KIAA0513: variants seen among roughly 807,000 people sequenced by gnomAD.
KIAA0513 encodes uncharacterized protein KIAA0513.
A neutral mutation model predicts 56.5 loss-of-function variants in KIAA0513; 39 were observed. That is an observed-to-expected ratio of 0.69 (90% CI 0.53 to 0.90). KIAA0513 has a LOEUF of 0.90. KIAA0513 is among the 40% of genes least tolerant of loss of function. The pLI is 0.00. For synonymous variants in KIAA0513, 268 were observed against 215.6 expected, an observed-to-expected ratio of 1.24 and a Z score of -2.13; for missense variants, 591 against 535.2, an observed-to-expected ratio of 1.10 and a Z score of -1.03.
chr16:85,031,807 C>T (rs2072968442), intron 1 of KIAA0513, among the ~76,000 whole-genome samples: 1 of 152,188 alleles, frequency 6.6e-6, no homozygotes, highest in Non-Finnish European at 1.5e-5. Context: ...TTCCTCTGAT[C>T]CCTGCCCACT....
At chr16:85,066,227 T>G (rs1436903393) in intron 1 of KIAA0513, among the ~76,000 whole-genome samples, 2 of 151,862 alleles carry the variant, frequency 1.3e-5, no homozygotes, top group Non-Finnish European at 2.9e-5. Context: ...TGAATAGAAC[T>G]CCAGGGTGGG....
intron 2 of KIAA0513, among the ~76,000 whole-genome samples, chr16:85,070,577 C>A (rs901614630): frequency 2.6e-5 from 4 of 152,154 alleles, no homozygotes; most frequent in Admixed American, 2.0e-4. Context: ...ACTCGGGAGG[C>A]TGAGGCAGGA....
chr16:85,053,718 C>T (rs995672220), intron 1 of KIAA0513, among the ~76,000 whole-genome samples: 3 of 151,968 alleles, frequency 2.0e-5, no homozygotes, highest in Non-Finnish European at 4.4e-5. Flanking sequence ...TAAGGCCAGG[C>T]GCGGTGGCTC....
At chr16:85,071,327 C>T (rs1017722751) in intron 2 of KIAA0513, among the ~76,000 whole-genome samples, 15 of 152,238 alleles carry the variant, frequency 9.9e-5, no homozygotes, top group African/African-American at 3.6e-4. Flanking sequence ...ACCTTGGCGT[C>T]AGTATGCTGA....
chr16:85,066,456 C>G (rs904230495), intron 1 of KIAA0513, among the ~76,000 whole-genome samples: 2 of 152,120 alleles, frequency 1.3e-5, no homozygotes, highest in Non-Finnish European at 2.9e-5. Flanking sequence ...GAACAGAGCC[C>G]AGGAAGGAGG....
rs2073894934 is a variant in KIAA0513 at position 85,093,818 on chromosome 16, A to C, written c.*5493A>C. ...GAACACTAGGAAAAGCTAGAAATTC[A>C]GACAACACACATGGATCCCCTTAAA... is the stretch of plus-strand genomic sequence containing the variant. On this transcript the variant is annotated 3_prime_UTR_variant, in exon 13 of 13. Transcript: ENST00000683363. The C allele has an allele frequency of 6.6e-6, 1 of 152,306 alleles. No individual in the cohort carries two copies. Among genetic ancestry groups the C allele is most frequent in the African/African-American group, 2.4e-5 (1 of 41,442 alleles). 9.4% of individuals were successfully genotyped at this position (152,306 alleles called of 1,614,324 possible).
chr16:85,046,005 G>A (rs1443178118), intron 1 of KIAA0513, among the ~76,000 whole-genome samples: 1 of 152,206 alleles, frequency 6.6e-6, no homozygotes, highest in Non-Finnish European at 1.5e-5. Context: ...CACAGGAAAT[G>A]TCGCAGGGGG....
At chr16:85,057,245 G>A (rs1384168603) in intron 1 of KIAA0513, among the ~76,000 whole-genome samples, 1 of 152,186 alleles carries the variant, frequency 6.6e-6, no homozygotes, top group African/African-American at 2.4e-5. Context: ...GTAGAGTCCA[G>A]GCTGATGCAT....
At chr16:85,053,861 G>A (rs901387476) in intron 1 of KIAA0513, among the ~76,000 whole-genome samples, 24 of 152,130 alleles carry the variant, frequency 1.6e-4, no homozygotes, top group African/African-American at 2.9e-4. Flanking sequence ...GCATGGTGGC[G>A]TGCACCTGTA....
chr16:85,045,010 T>G (rs1419872188), intron 1 of KIAA0513, among the ~76,000 whole-genome samples: 1 of 151,836 alleles, frequency 6.6e-6, no homozygotes, highest in Non-Finnish European at 1.5e-5. Flanking sequence ...CCCAGCTACT[T>G]GGGAGGCTGA....
chr16:85,043,398 TG>T (rs2073128824), intron 1 of KIAA0513, among the ~76,000 whole-genome samples: 2 of 147,336 alleles, frequency 1.4e-5, no homozygotes, highest in African/African-American at 5.0e-5. Context: ...TGTTGCTTCT[TG>T]GATTTTTTTT....
At position 85,075,673 on chromosome 16, in the gene KIAA0513, G is replaced by A. The variant is rs528596787; in HGVS notation, c.504-171G>A. 4.6e-5 allele frequency among the ~76,000 whole-genome samples: 7 copies of A among 152,360 alleles called. No homozygotes were observed. In the East Asian group the frequency reaches 1.3e-3, roughly 29 times the overall value. On this transcript the variant is annotated intron_variant, in intron 4 of 12. Transcript: ENST00000683363. ...CCGTTCAGAATCAGTCCCAGGCCGT[G>A]TGCCTACGTGTAGTTCTCCTAATGG...
chr16:85,046,211 CT>C (rs1434973699), intron 1 of KIAA0513, among the ~76,000 whole-genome samples: 6 of 152,208 alleles, frequency 3.9e-5, no homozygotes, highest in Admixed American at 1.3e-4. Context: ...CGCGCCATGC[CT>C]TTCTGGGCAG....
rs1445635368 is a variant in KIAA0513 at position 85,082,998 on chromosome 16, C to T, written c.1010+405C>T. ...CAGACCTGAAAGCCTCACCCTTGGC[C>T]TTACTGTTCACACTGGAGAAGTGGG... is the stretch of plus-strand genomic sequence containing the variant. On this transcript the variant is annotated intron_variant, in intron 10 of 12. Transcript: ENST00000683363. 3.3e-5 allele frequency among the ~76,000 whole-genome samples: 5 copies of T among 152,372 alleles called. No individual in the cohort carries two copies. The East Asian group carries it at 9.6e-4, about 29-fold the overall frequency.
chr16:85,049,551 C>T (rs28538669), intron 1 of KIAA0513, among the ~76,000 whole-genome samples: 60,771 of 151,790 alleles, frequency 0.4, 13,557 homozygotes, highest in African/African-American at 0.61. Context: ...CTCGAGATAG[C>T]GAGTTCTCAT....
chr16:85,050,074 G>A (rs2073228838), intron 1 of KIAA0513, among the ~76,000 whole-genome samples: 1 of 152,088 alleles, frequency 6.6e-6, no homozygotes, highest in African/African-American at 2.4e-5. Context: ...CTAACACGCA[G>A]TTGCAATGGA....
chr16:85,054,687 C>T (rs1399170064), intron 1 of KIAA0513, among the ~76,000 whole-genome samples: 2 of 152,096 alleles, frequency 1.3e-5, no homozygotes, highest in Admixed American at 1.3e-4. Context: ...TCCTCAGCCT[C>T]CCACAGTTCT....
intron 12 of KIAA0513, 144 bp downstream of exon 12, chr16:85,087,310 C>T (rs2073821210): frequency 1.5e-6 from 1 of 670,990 alleles, no homozygotes; most frequent in Non-Finnish European, 2.7e-6. Flanking sequence ...CAGACGGCCC[C>T]TCCTTTCTCC....
intron 1 of KIAA0513, among the ~76,000 whole-genome samples, chr16:85,041,871 C>T (rs1019494405): frequency 6.6e-6 from 1 of 152,172 alleles, no homozygotes; most frequent in Non-Finnish European, 1.5e-5. Context: ...ACAGCTTCAC[C>T]TTGTCACTTC....
Sources: gnomAD v4.1 joint callset for allele counts (sites outside exome capture counted in the v4.1 genomes callset) on GRCh38, gnomAD v4.1.1 for gene constraint, MANE v1.5 for transcripts, NCBI Gene and HGNC (gene_info 2026-07-23, HGNC 2026-07-21) for gene names.